The following MEI4 variants were observed in gnomAD, a reference collection of about 807,000 sequenced individuals.
MEI4 encodes the protein meiotic double-stranded break formation protein 4.
MEI4 carries 27 observed loss-of-function variants against 31.4 expected under a neutral mutation model. The observed-to-expected ratio is 0.86, with a 90% CI of 0.63 to 1.19. MEI4 has a LOEUF of 1.19. Among genes scored for constraint, MEI4 ranks in the 50% most tolerant of loss-of-function variants. MEI4 has a pLI of 0.00. For synonymous variants in MEI4, 122 were observed against 145.4 expected (o/e 0.84, Z 1.16); for missense variants, 329 against 398.9 (o/e 0.82, Z 1.49).
chr6:77,808,106 G>T (rs1769485055), intron 3 of MEI4, among the ~76,000 whole-genome samples: 1 of 152,166 alleles, frequency 6.6e-6, no homozygotes. Flanking sequence ...TGTTGTCCTA[G>T]AGTAATTGTT....
intron 4 of MEI4, among the ~76,000 whole-genome samples, chr6:77,886,662 A>G (rs1029656091): frequency 5.3e-5 from 8 of 151,958 alleles, no homozygotes; most frequent in Admixed American, 2.0e-4. Flanking sequence ...TGAACTCCCA[A>G]CCTCAAGTGA....
At chr6:77,704,481 A>G (rs1766288981) in intron 2 of MEI4, among the ~76,000 whole-genome samples, 1 of 152,236 alleles carries the variant, frequency 6.6e-6, no homozygotes, top group Admixed American at 6.5e-5. Flanking sequence ...TTCTAGAACA[A>G]TGACTTTTAG....
At chr6:77,797,215 A>G (rs1346934604) in intron 3 of MEI4, among the ~76,000 whole-genome samples, 1 of 152,220 alleles carries the variant, frequency 6.6e-6, no homozygotes, top group Non-Finnish European at 1.5e-5. Context: ...ACTTAAATAT[A>G]AGACCTGAAA....
intron 1 of MEI4, among the ~76,000 whole-genome samples, chr6:77,660,516 T>G (rs978619942): frequency 5.4e-5 from 8 of 148,354 alleles, no homozygotes; most frequent in Admixed American, 4.0e-4. Flanking sequence ...AGAATAGGAG[T>G]ATGACCGGAC....
chr6:77,914,770 T>C (rs920043885), intron 4 of MEI4, among the ~76,000 whole-genome samples: 2 of 152,160 alleles, frequency 1.3e-5, no homozygotes, highest in Admixed American at 1.3e-4. Flanking sequence ...GTTGGGTACA[T>C]ATATGTTTAA....
chr6:77,879,923 A>G (rs183589660), intron 4 of MEI4, among the ~76,000 whole-genome samples: 1 of 152,310 alleles, frequency 6.6e-6, no homozygotes, highest in Non-Finnish European at 1.5e-5. Flanking sequence ...AGAGACTGTT[A>G]CATATACTTA....
At chr6:77,878,543 AAAGAAT>A (rs1160233618) in intron 4 of MEI4, among the ~76,000 whole-genome samples, 1 of 152,150 alleles carries the variant, frequency 6.6e-6, no homozygotes, top group Non-Finnish European at 1.5e-5. Context: ...ATCTGGGCTT[AAAGAAT>A]GTTAACATCC....
At chr6:77,772,090 G>A (rs1385037317) in intron 3 of MEI4, among the ~76,000 whole-genome samples, 2 of 151,652 alleles carry the variant, frequency 1.3e-5, no homozygotes, top group Non-Finnish European at 2.9e-5. Context: ...TCCCTGTAAA[G>A]AAAATCCTGG....
At chr6:77,776,666 C>T (rs906076941) in intron 3 of MEI4, among the ~76,000 whole-genome samples, 1 of 152,064 alleles carries the variant, frequency 6.6e-6, no homozygotes, top group African/African-American at 2.4e-5. Context: ...AAAGTAAATC[C>T]AAGCCAGAGC....
Position 77,834,853 on chromosome 6 carries a change from G to T in MEI4, c.900+5791G>T, listed in dbSNP as rs555275442. ...CCAAATAGGAAGCAGTAAAGTACCC[G>T]GTAGGACAAAGGTTAGTCTTAAGCC... On this transcript the variant is annotated intron_variant, in intron 4 of 4. Coordinates refer to ENST00000684080, the MANE Select transcript of MEI4 (RefSeq NM_001322247.2). Among the ~76,000 whole-genome samples, 43 of 152,150 alleles carry T rather than the reference G, an allele frequency of 2.8e-4. 1 individual carries two copies. The Middle Eastern group carries it at 0.01, about 37-fold the overall frequency.
intron 4 of MEI4, among the ~76,000 whole-genome samples, chr6:77,875,039 C>A (rs1042516097): frequency 1.3e-5 from 2 of 152,068 alleles, no homozygotes; most frequent in Non-Finnish European, 2.9e-5. Context: ...TGTACATGGA[C>A]CTGGTCATCT....
intron 2 of MEI4, among the ~76,000 whole-genome samples, chr6:77,748,461 C>A (rs1018291643): frequency 1.3e-4 from 20 of 152,200 alleles, no homozygotes; most frequent in African/African-American, 4.6e-4. Context: ...ACAACTGGAG[C>A]TGGAGCAGCT....
At chr6:77,754,827 C>T (rs1310447042) in intron 2 of MEI4, among the ~76,000 whole-genome samples, 1 of 151,852 alleles carries the variant, frequency 6.6e-6, no homozygotes, top group South Asian at 2.1e-4. Flanking sequence ...TATAAAACCA[C>T]CAGATCTTGT....
At chr6:77,691,916 G>GA (rs11464065) in intron 2 of MEI4, among the ~76,000 whole-genome samples, 43,604 of 150,440 alleles carry the variant, frequency 0.29, 8,771 homozygotes, top group African/African-American at 0.56. Flanking sequence ...TGGCAAGTTA[G>GA]AAAAAAAAAC....
At chr6:77,652,084 G>GACAATTTATTATA (rs1463306880), upstream of MEI4, among the ~76,000 whole-genome samples, 2 of 152,138 alleles carry the variant, frequency 1.3e-5, no homozygotes, top group African/African-American at 2.4e-5. Flanking sequence ...AGGTCAGGCT[G>GACAATTTATTATA]ACAATTTATT....
intron 4 of MEI4, among the ~76,000 whole-genome samples, chr6:77,897,257 A>G (rs1175166440): frequency 6.6e-6 from 1 of 152,002 alleles, no homozygotes; most frequent in East Asian, 1.9e-4. Flanking sequence ...AAAGATCTCA[A>G]CCAACAAGGG....
intron 4 of MEI4, among the ~76,000 whole-genome samples, chr6:77,895,149 C>A (rs1225306173): frequency 6.6e-6 from 1 of 152,126 alleles, no homozygotes; most frequent in African/African-American, 2.4e-5. Context: ...TACGTATCTT[C>A]TTTCAGAGAT....
intron 4 of MEI4, among the ~76,000 whole-genome samples, chr6:77,874,782 C>G (rs1333906358): frequency 6.6e-6 from 1 of 152,130 alleles, no homozygotes; most frequent in Non-Finnish European, 1.5e-5. Context: ...TATGTCCCAT[C>G]AGTACCTAAT....
chr6:77,747,351 G>A (rs1767639558), intron 2 of MEI4, among the ~76,000 whole-genome samples: 1 of 152,108 alleles, frequency 6.6e-6, no homozygotes, highest in African/African-American at 2.4e-5. Flanking sequence ...ACTGCCTGGA[G>A]ACTGTATAGT....
Sources: gnomAD v4.1 joint callset for allele counts (sites outside exome capture counted in the v4.1 genomes callset) on GRCh38, gnomAD v4.1.1 for gene constraint, MANE v1.5 for transcripts, NCBI Gene and HGNC (gene_info 2026-07-23, HGNC 2026-07-21) for gene names.